The following LIG1 variants were observed in gnomAD, a reference collection of about 807,000 sequenced individuals.
The protein encoded by LIG1 is ligase I, DNA, ATP-dependent.
Under a neutral mutation model 115.7 loss-of-function variants are expected in LIG1, and 70 were observed. That is an observed-to-expected ratio of 0.60 (90% CI 0.50 to 0.74). The LOEUF (loss-of-function observed/expected upper bound fraction) is 0.74, where lower values mean the gene tolerates loss of function less well. Among genes scored for constraint, LIG1 ranks in the 30% least tolerant of loss-of-function variants. The probability of loss-of-function intolerance (pLI) is 0.00; values close to 1 mark genes in which losing one functional copy is unlikely to be tolerated. For missense variants in LIG1, 1,115 were observed against 1,225.6 expected (o/e 0.91, Z 1.35); for synonymous variants, 487 against 495.3 (o/e 0.98, Z 0.22).
At chr19:48,124,082 T>A (rs1163031816) in intron 21 of LIG1, among the ~76,000 whole-genome samples, 1 of 152,168 alleles carries the variant, frequency 6.6e-6, no homozygotes, top group Non-Finnish European at 1.5e-5. Context: ...TTGAATTGCT[T>A]TTCTCTTTTG....
chr19:48,127,003 C>G (rs746060045), intron 21 of LIG1: 96 of 487,058 alleles, frequency 2.0e-4, no homozygotes, highest in Non-Finnish European at 3.0e-4. Context: ...CTCCTGCGTG[C>G]TTCTACGACA....
chr19:48,134,263 G>A (rs971310133), intron 16 of LIG1, among the ~76,000 whole-genome samples, 197 bp from the exon 17 acceptor site: 1 of 152,186 alleles, frequency 6.6e-6, no homozygotes, highest in Non-Finnish European at 1.5e-5. Flanking sequence ...GTCTCCCTTA[G>A]TCTGGCCTTG....
In LIG1 at chr19:48,136,969, G is replaced by C. The variant is rs780726386; in HGVS notation, c.1331+39C>G. On this transcript the variant is annotated intron_variant, in intron 14 of 27. Coordinates refer to ENST00000263274, the MANE Select transcript of LIG1 (RefSeq NM_000234.3). ...CCTCCCTCCTTTCACCTCCGAGCCT[G>C]CAGTCCCCCTCTGTAGCCTCACAGG... 6 of 1,522,820 alleles carry C rather than the reference G, an allele frequency of 3.9e-6. No homozygotes were observed. In the African/African-American group the frequency reaches 8.2e-5, roughly 21 times the overall value. The allele number at this position is 1,522,820 out of a possible 1,614,324, so 94.3% of individuals were successfully genotyped here.
rs2033354948 is a variant in LIG1, at chr19:48,122,473, C to CG, written c.2232+460dup. The CG allele has an allele frequency of 2.7e-5, 7 of 259,442 alleles. No individual in the cohort carries two copies. In the South Asian group the frequency reaches 2.8e-4, roughly 10 times the overall value. The allele number at this position is 259,442 out of a possible 1,614,324, so 16.1% of individuals were successfully genotyped here. A position where few individuals can be genotyped will look rare whatever the true frequency, so the allele number is the denominator to read the frequency against. On this transcript the variant is annotated intron_variant, in intron 23 of 27. Coordinates refer to ENST00000263274, the MANE Select transcript of LIG1 (RefSeq NM_000234.3). The surrounding 1 kb of genome is among the most constrained non-coding windows in gnomAD (Gnocchi z 4.3). ...TGCTCCTCCCTCAGGGTCTCTGCACCGGGGGTTTTCCTCCCTAGTGCTCTG... is the reference window on the plus strand; with the variant it reads ...TGCTCCTCCCTCAGGGTCTCTGCACCGGGGGGTTTTCCTCCCTAGTGCTCTG...
chr19:48,149,597 G>C (rs2122825606), intron 9 of LIG1, among the ~76,000 whole-genome samples, 166 bp downstream of exon 9: 1 of 152,320 alleles, frequency 6.6e-6, no homozygotes, highest in South Asian at 2.1e-4. Flanking sequence ...TGCAACAGGG[G>C]CCAAATGTGT....
At chr19:48,166,855 C>A (rs1284363716) in intron 1 of LIG1, among the ~76,000 whole-genome samples, 1 of 151,168 alleles carries the variant, frequency 6.6e-6, no homozygotes, top group African/African-American at 2.4e-5. Context: ...CCTGTAATCC[C>A]AGCTAGTGGG....
In LIG1 at chr19:48,149,643, T is replaced by C. The variant is rs532701795; in HGVS notation, c.776+120A>G. ...CTAAAATATTTACTCTCTGGCTCTT[T>C]ATAGAAAAGGTTTGCCAAGTCCTGC... On this transcript the variant is annotated intron_variant, in intron 9 of 27. Coordinates refer to ENST00000263274, the MANE Select transcript of LIG1 (RefSeq NM_000234.3). The C allele has an allele frequency of 8.9e-6, 7 of 784,576 alleles. No individual in the cohort carries two copies. In the East Asian group the frequency reaches 1.3e-4, roughly 15 times the overall value. The allele number at this position is 784,576 out of a possible 1,614,324, so 48.6% of individuals were successfully genotyped here.
chr19:48,139,977 C>A lies in LIG1; in HGVS notation c.1081G>T (p.Ala361Ser). 1 of 1,614,170 alleles carries A rather than the reference C, an allele frequency of 6.2e-7. No individual in the cohort carries two copies. The highest frequency in any genetic ancestry group is 8.5e-7 in the Non-Finnish European group (1 of 1,180,050). ...DGVLLKAVAQ[A>S]TGRQLESVRA... ...CAACCACAGTCCCCCTTACCTGTGG[C>A]CTGGGCCACTGCCTTGAGAAGGACA... The change falls in exon 12 of 28, where the codon GCC becomes TCC. Residue 361 changes from alanine (A) to serine (S), a missense_variant. By Grantham distance (99) the Ala-to-Ser change is moderately conservative (BLOSUM62 1). Coordinates refer to ENST00000263274, the MANE Select transcript of LIG1 (RefSeq NM_000234.3).
intron 23 of LIG1, among the ~76,000 whole-genome samples, chr19:48,121,954 C>T (rs182840825): frequency 9.4e-4 from 143 of 152,330 alleles, no homozygotes; most frequent in African/African-American, 3.0e-3. Context: ...TTTTCCCATT[C>T]GTTCAGAAAC....
chr19:48,120,436 T>G (rs1454265602), intron 24 of LIG1: 7 of 985,280 alleles, frequency 7.1e-6, no homozygotes. Context: ...TGCGTGTCTC[T>G]GGGTGGTACG....
At chr19:48,123,514 G>T in intron 21 of LIG1, 196 bp from the exon 22 acceptor site, 1 of 641,232 alleles carries the variant, frequency 1.6e-6, no homozygotes, top group Non-Finnish European at 2.7e-6. Context: ...TGGCAAGAGG[G>T]CCCGACACCA....
At chr19:48,154,998 C>T (rs1478553170) in intron 5 of LIG1, among the ~76,000 whole-genome samples, 1 of 152,202 alleles carries the variant, frequency 6.6e-6, no homozygotes, top group East Asian at 1.9e-4. Flanking sequence ...TCCAGACACA[C>T]CAAGCTGTGT....
At position 48,161,394 on chromosome 19, in the gene LIG1, G is replaced by A. The variant is rs375838718; in HGVS notation, c.221C>T (p.Ala74Val). Residue 74 changes from alanine to valine, a missense_variant, in exon 4 of 28, where the codon GCC (alanine) becomes GTC (valine). By Grantham distance (64) the Ala-to-Val change is moderately conservative (BLOSUM62 0). Transcript: ENST00000263274. Reference protein sequence around the residue: ...LGSEGEEEDEALSPAKGQKPA... With the variant: ...LGSEGEEEDEVLSPAKGQKPA... ...TACCTGGCCTTTAGCAGGGCTAAGG[G>A]CTTCATCCTCCTCTTCCCCTTCGCT... is the stretch of plus-strand genomic sequence containing the variant. The A allele has an allele frequency of 4.3e-6, 7 of 1,614,030 alleles. No homozygotes were observed. The African/African-American group carries it at 5.3e-5, about 12-fold the overall frequency.
At chr19:48,164,874 A>G (rs374625256) in intron 2 of LIG1, among the ~76,000 whole-genome samples, 2 of 152,176 alleles carry the variant, frequency 1.3e-5, no homozygotes, top group South Asian at 2.1e-4. Flanking sequence ...GGGCTGTCCT[A>G]TGAATTGAAG....
At chr19:48,126,478 C>T (rs752628560) in intron 21 of LIG1, among the ~76,000 whole-genome samples, 11 of 151,822 alleles carry the variant, frequency 7.2e-5, no homozygotes, top group Non-Finnish European at 1.5e-4. Flanking sequence ...TGGTGGTGCA[C>T]ATCTGTAATC....
chr19:48,170,258 C>T lies in LIG1; in HGVS notation c.-75G>A. On this transcript the variant is annotated 5_prime_UTR_variant, in exon 1 of 28. Coordinates refer to ENST00000263274, the MANE Select transcript of LIG1 (RefSeq NM_000234.3). Reference sequence around the variant, plus strand: ...CCACTTGCCTTGCGTTGGTCCCGCGCGCCGCTGCCCGGGCAACACACTCAG... The same window carrying T: ...CCACTTGCCTTGCGTTGGTCCCGCGTGCCGCTGCCCGGGCAACACACTCAG... The T allele has an allele frequency of 2.2e-6, 1 of 455,216 alleles. No individual in the cohort carries two copies. Among genetic ancestry groups the T allele is most frequent in the Non-Finnish European group, 4.4e-6 (1 of 226,404 alleles). The allele number at this position is 455,216 out of a possible 1,614,324, so 28.2% of individuals were successfully genotyped here.
At chr19:48,157,228 C>G (rs1020937523) in intron 4 of LIG1, 88 bp from the exon 5 acceptor site, 75 of 1,402,522 alleles carry the variant, frequency 5.3e-5, no homozygotes, top group Non-Finnish European at 6.9e-5. Context: ...ACTGAAACCT[C>G]TCTGTCTACC....
intron 20 of LIG1, 133 bp from the exon 21 acceptor site, chr19:48,127,481 T>C (rs2033748729): frequency 1.3e-6 from 1 of 796,376 alleles, no homozygotes; most frequent in African/African-American, 1.7e-5. Context: ...AGGGCGGCCA[T>C]GCTGCTGGCT....
chr19:48,151,460 G>A (rs45580937), intron 6 of LIG1, 121 bp from the exon 7 acceptor site: 7,391 of 705,496 alleles, frequency 0.01, 121 homozygotes, highest in South Asian at 0.038. Context: ...ACAGAGTTTC[G>A]TTCTTACCGC....
Sources: allele counts gnomAD v4.1 joint callset (sites outside exome capture counted in the v4.1 genomes callset), GRCh38; gene constraint gnomAD v4.1.1; non-coding constraint Gnocchi (gnomAD v3.1); transcripts MANE v1.5; gene names NCBI Gene and HGNC (gene_info 2026-07-23, HGNC 2026-07-21).